The following PCDHGA2 variants were observed in gnomAD, a reference collection of about 807,000 sequenced individuals.
PCDHGA2 encodes protocadherin gamma subfamily A, 2.
In PCDHGA2, 40 loss-of-function variants were observed where a neutral mutation model predicts 59.2. The ratio of observed to expected loss-of-function variants is 0.68; its 90% CI spans 0.52 to 0.88. PCDHGA2 has a LOEUF of 0.88. Among genes scored for constraint, PCDHGA2 ranks in the 40% least tolerant of loss-of-function variants. The probability of loss-of-function intolerance (pLI) is 0.00; values close to 1 mark genes in which losing one functional copy is unlikely to be tolerated. For synonymous variants in PCDHGA2, 560 were observed against 526.0 expected (o/e 1.06, Z -0.89); for missense variants, 1,226 against 1,204.0 (o/e 1.02, Z -0.27).
chr5:141,402,091 G>C (rs1453803021), intron 1 of PCDHGA2, among the ~76,000 whole-genome samples: 2 of 152,088 alleles, frequency 1.3e-5, no homozygotes, highest in Non-Finnish European at 2.9e-5. Context: ...TAGCAGAAAA[G>C]TTTAAGCAAT....
intron 1 of PCDHGA2, among the ~76,000 whole-genome samples, chr5:141,454,731 G>T (rs1249851832): frequency 6.7e-6 from 1 of 150,262 alleles, no homozygotes; most frequent in Non-Finnish European, 1.5e-5. Context: ...ATATGTTATA[G>T]GATGAAAAGA....
chr5:141,361,411 G>C, intron 1 of PCDHGA2: 2 of 1,613,998 alleles, frequency 1.2e-6, no homozygotes, highest in South Asian at 2.2e-5. Flanking sequence ...CACAGCCACC[G>C]ACGGGGGCAA....
chr5:141,396,592 C>G (rs886214200), intron 1 of PCDHGA2: 3 of 151,870 alleles, frequency 2.0e-5, no homozygotes, highest in Admixed American at 2.0e-4. Context: ...TGCACTCCAG[C>G]CTGGGCAACA....
intron 1 of PCDHGA2, chr5:141,352,585 T>C (rs748971088): frequency 1.2e-6 from 2 of 1,613,952 alleles, no homozygotes; most frequent in Admixed American, 3.3e-5. Context: ...CCCCTCAGGA[T>C]CTGCTGTGTG....
intron 1 of PCDHGA2, chr5:141,404,260 T>G: frequency 6.2e-7 from 1 of 1,613,910 alleles, no homozygotes; most frequent in Non-Finnish European, 8.5e-7. Context: ...CCACAGAAAT[T>G]CACATCACCC....
At chr5:141,383,544 T>A (rs1273578608) in intron 1 of PCDHGA2, 21 of 1,612,498 alleles carry the variant, frequency 1.3e-5, no homozygotes, top group Non-Finnish European at 1.8e-5. Context: ...TCACAGCCTC[T>A]GATGGCGGCG....
chr5:141,404,764 C>T (rs371618979), intron 1 of PCDHGA2: 1 of 1,613,802 alleles, frequency 6.2e-7, no homozygotes, highest in Non-Finnish European at 8.5e-7. Context: ...ATGCTTGGCT[C>T]TCCTACCGCC....
chr5:141,366,210 G>T (rs374658125), intron 1 of PCDHGA2: 73 of 1,613,682 alleles, frequency 4.5e-5, no homozygotes, highest in Non-Finnish European at 6.2e-5. Context: ...GGCGAGGTGC[G>T]CACAGCGCGA....
At chr5:141,439,741 A>C (rs1303886454) in intron 1 of PCDHGA2, 1 of 152,352 alleles carries the variant, frequency 6.6e-6, no homozygotes, top group African/African-American at 2.4e-5. Flanking sequence ...AACGGAACGG[A>C]TTTACAGGCA....
chr5:141,363,552 C>T (rs1762968351), intron 1 of PCDHGA2, among the ~76,000 whole-genome samples: 1 of 152,190 alleles, frequency 6.6e-6, no homozygotes, highest in Admixed American at 6.5e-5. Context: ...AATATTTGAA[C>T]ATGGTAATAG....
chr5:141,426,858 T>G (rs898486771), intron 1 of PCDHGA2: 13 of 456,574 alleles, frequency 2.8e-5, no homozygotes, highest in African/African-American at 8.0e-5. Context: ...CGCTCCAGAA[T>G]TAGTGCTGGA....
intron 1 of PCDHGA2, among the ~76,000 whole-genome samples, chr5:141,401,330 A>G (rs1377404173): frequency 6.6e-6 from 1 of 152,218 alleles, no homozygotes. Context: ...CAACAAGAGC[A>G]AAACTCCATC....
At chr5:141,419,652 CG>C (rs767047378) in intron 1 of PCDHGA2, 3 of 1,612,590 alleles carry the variant, frequency 1.9e-6, no homozygotes, top group Non-Finnish European at 1.7e-6. Context: ...GACGCGGACT[CG>C]GGGCACAATG....
Position 141,345,321 on chromosome 5 carries a change from C to G in PCDHGA2, c.2424+3926C>G, listed in dbSNP as rs200111367. ...TCTGAGAGCCTCAGATGGGGGAAGCCCGCCACTGTCCACAGAAACTCACAT... is the reference window on the plus strand; with the variant it reads ...TCTGAGAGCCTCAGATGGGGGAAGCGCGCCACTGTCCACAGAAACTCACAT... On this transcript the variant is annotated intron_variant, in intron 1 of 3. Transcript: ENST00000394576. 8.8e-4 allele frequency: 1,418 copies of G among 1,613,972 alleles called. 4 individuals carry two copies. Among genetic ancestry groups the G allele is most frequent in the Middle Eastern group, 3.3e-3 (20 of 6,062 alleles).
chr5:141,390,199 G>A (rs753440941), intron 1 of PCDHGA2: 2 of 1,614,054 alleles, frequency 1.2e-6, no homozygotes, highest in South Asian at 2.2e-5. Context: ...GAGCAGTTGA[G>A]TTCAGGACAA....
At chr5:141,492,132 C>A (rs1289132641) in intron 1 of PCDHGA2, among the ~76,000 whole-genome samples, 3 of 152,220 alleles carry the variant, frequency 2.0e-5, no homozygotes, top group African/African-American at 4.8e-5. Context: ...CAGCTCCCAG[C>A]ATCTGTGACT....
intron 1 of PCDHGA2, chr5:141,341,932 A>T (rs1390212714): frequency 6.4e-6 from 1 of 157,096 alleles, no homozygotes; most frequent in East Asian, 1.9e-4. Context: ...CTTCCCTGTT[A>T]AAAATATGGA....
At chr5:141,440,732 A>C (rs2154559008) in intron 1 of PCDHGA2, 1 of 152,346 alleles carries the variant, frequency 6.6e-6, no homozygotes, top group African/African-American at 2.4e-5. Context: ...GTGTTAGAGA[A>C]GCTGCTTGAC....
rs769174770 is a variant in PCDHGA2 at position 141,341,372 on chromosome 5, G to A, written c.2401G>A (p.Glu801Lys). The change falls in exon 1 of 4, where the codon GAA (glutamate) becomes AAA (lysine). Residue 801 changes from glutamate (E) to lysine (K), a missense_variant. Coordinates refer to ENST00000394576, the MANE Select transcript of PCDHGA2 (RefSeq NM_018915.4). ...LSAPQSLLEE[E>K]REETFSQQAP... ...AGCGCCTCAATCTCTACTCGAAGAA[G>A]AAAGAGAAGAAACGTTTTCTCAGGT... is the stretch of plus-strand genomic sequence containing the variant. 1.9e-6 allele frequency: 3 copies of A among 1,614,252 alleles called. No homozygotes were observed. Among genetic ancestry groups the A allele is most frequent in the Non-Finnish European group, 2.5e-6 (3 of 1,180,040 alleles).
Sources: gnomAD v4.1 joint callset for allele counts (sites outside exome capture counted in the v4.1 genomes callset) on GRCh38, gnomAD v4.1.1 for gene constraint, MANE v1.5 for transcripts, NCBI Gene and HGNC (gene_info 2026-07-23, HGNC 2026-07-21) for gene names.